The following NRXN3 variants were observed in gnomAD, a reference collection of about 807,000 sequenced individuals.
NRXN3 encodes the protein neurexin 3, also known as neurexin III.
Under a neutral mutation model 137.6 loss-of-function variants are expected in NRXN3, and 32 were observed. That is an observed-to-expected ratio of 0.23 (90% CI 0.18 to 0.31). The LOEUF (loss-of-function observed/expected upper bound fraction) is 0.31, where lower values mean the gene tolerates loss of function less well. NRXN3 is among the 10% of genes least tolerant of loss of function. The pLI is 1.00. For synonymous variants in NRXN3, 798 were observed against 784.5 expected (o/e 1.02, Z -0.29); for missense variants, 1,574 against 2,062.5 (o/e 0.76, Z 4.59).
intron 4 of NRXN3, among the ~76,000 whole-genome samples, chr14:78,385,963 C>A (rs2089911935): frequency 6.6e-6 from 1 of 152,042 alleles, no homozygotes; most frequent in South Asian, 2.1e-4. Flanking sequence ...GGGTGAGGAG[C>A]AACTGAAGAA....
At chr14:78,982,357 C>G (rs1450149520) in intron 14 of NRXN3, among the ~76,000 whole-genome samples, 1 of 152,108 alleles carries the variant, frequency 6.6e-6, no homozygotes, top group Non-Finnish European at 1.5e-5. Context: ...GTGACCAAGA[C>G]AGACAAGGCT....
chr14:78,905,908 T>A (rs1392294924), intron 10 of NRXN3, among the ~76,000 whole-genome samples: 1 of 151,968 alleles, frequency 6.6e-6, no homozygotes, highest in Non-Finnish European at 1.5e-5. Flanking sequence ...TAAACCAAGA[T>A]AAACAAAATT....
intron 15 of NRXN3, among the ~76,000 whole-genome samples, chr14:79,330,536 G>A (rs1055421398): frequency 5.3e-5 from 8 of 152,140 alleles, no homozygotes; most frequent in African/African-American, 1.9e-4. Context: ...GTCTATTTGA[G>A]TTGATGTTGG....
At chr14:79,504,641 T>TTATATA (rs59363016) in intron 16 of NRXN3, among the ~76,000 whole-genome samples, 1 of 97,876 alleles carries the variant, frequency 1.0e-5, no homozygotes, top group Non-Finnish European at 2.2e-5. Flanking sequence ...ATGAAGTTTT[T>TTATATA]TATATATATA....
intron 20 of NRXN3, among the ~76,000 whole-genome samples, chr14:79,825,164 A>T (rs1343427910): frequency 6.8e-6 from 1 of 146,716 alleles, no homozygotes; most frequent in Admixed American, 6.8e-5. Flanking sequence ...CCATTACGTA[A>T]CTTCCTTTGT....
At chr14:78,521,662 T>C (rs1463853470) in intron 4 of NRXN3, among the ~76,000 whole-genome samples, 2 of 152,140 alleles carry the variant, frequency 1.3e-5, no homozygotes, top group Admixed American at 1.3e-4. Context: ...ATGAATGATA[T>C]ATCTTTACAA....
chr14:79,688,153 T>A (rs1213709240), intron 17 of NRXN3, among the ~76,000 whole-genome samples: 1 of 151,298 alleles, frequency 6.6e-6, no homozygotes, highest in Non-Finnish European at 1.5e-5. Flanking sequence ...ACTAATGAGC[T>A]TCCTTCTGAT....
chr14:78,818,699 C>T lies in NRXN3; in HGVS notation c.2275+8355C>T, dbSNP rs186156700. Among the ~76,000 whole-genome samples the T allele has an allele frequency of 5.9e-5, 9 of 152,188 alleles. No individual in the cohort carries two copies. In the East Asian group the frequency reaches 1.7e-3, roughly 29 times the overall value. The stretch of plus-strand genomic sequence containing the variant: ...CCTTGTTCTTCCTCATTCACTTATT[C>T]CATGGACATTTACTGAGAGTAAGCA... On this transcript the variant is annotated intron_variant, in intron 10 of 20. Transcript: ENST00000335750.
At chr14:79,034,381 T>C (rs964766820) in intron 15 of NRXN3, among the ~76,000 whole-genome samples, 12 of 68,120 alleles carry the variant, frequency 1.8e-4, no homozygotes, top group Non-Finnish European at 3.1e-4. Flanking sequence ...CACACACAGG[T>C]TTTTTGGAAA....
chr14:78,200,278 T>C (rs373986728), intron 1 of NRXN3, among the ~76,000 whole-genome samples: 1 of 152,182 alleles, frequency 6.6e-6, no homozygotes, highest in Admixed American at 6.5e-5. Flanking sequence ...GTTGTCTTAA[T>C]TGGGCAGAAA....
At chr14:78,914,783 C>T (rs537576953) in intron 10 of NRXN3, among the ~76,000 whole-genome samples, 5 of 152,122 alleles carry the variant, frequency 3.3e-5, no homozygotes, top group South Asian at 4.2e-4. Flanking sequence ...AAGAGTGACA[C>T]GATCTGTCTT....
intron 1 of NRXN3, among the ~76,000 whole-genome samples, chr14:78,211,578 C>T (rs59565359): frequency 0.46 from 69,552 of 152,102 alleles, 15,981 homozygotes; most frequent in Middle Eastern, 0.56. Context: ...TTTGATAAAC[C>T]CCACTCCAAA....
At chr14:79,198,634 A>G (rs1372798804) in intron 15 of NRXN3, among the ~76,000 whole-genome samples, 2 of 152,222 alleles carry the variant, frequency 1.3e-5, no homozygotes, top group Non-Finnish European at 1.5e-5. Context: ...TGAAAATTTA[A>G]CTATGATGCA....
chr14:79,387,414 C>T (rs1163050990), intron 15 of NRXN3, among the ~76,000 whole-genome samples: 2 of 152,026 alleles, frequency 1.3e-5, no homozygotes, highest in Non-Finnish European at 2.9e-5. Context: ...TACCATCTCA[C>T]ACCAGTTAGA....
chr14:78,313,514 A>G lies in NRXN3; in HGVS notation c.757+15654A>G, dbSNP rs1456608611. ...TTTTTTAACAAAACTTTCTCGTATCAGTTTAAATACATTTCTGAATGATTA... is the reference window on the plus strand; with the variant it reads ...TTTTTTAACAAAACTTTCTCGTATCGGTTTAAATACATTTCTGAATGATTA... On this transcript the variant is annotated intron_variant, in intron 4 of 20. Coordinates refer to ENST00000335750, the MANE Select transcript of NRXN3 (RefSeq NM_001330195.2). 1.1e-4 allele frequency among the ~76,000 whole-genome samples: 16 copies of G among 152,040 alleles called. No homozygotes were observed. The East Asian group carries it at 3.1e-3, about 29-fold the overall frequency.
chr14:79,773,777 A>T (rs1319484547), intron 19 of NRXN3, among the ~76,000 whole-genome samples: 1 of 151,338 alleles, frequency 6.6e-6, no homozygotes, highest in African/African-American at 2.4e-5. Context: ...TTAGAGTATA[A>T]TAATGATAAA....
At chr14:79,543,821 T>C (rs1232293625) in intron 16 of NRXN3, among the ~76,000 whole-genome samples, 1 of 152,154 alleles carries the variant, frequency 6.6e-6, no homozygotes, top group Non-Finnish European at 1.5e-5. Flanking sequence ...TGTGTAGAGA[T>C]GTGAGTTTAG....
At chr14:79,239,246 G>C (rs922811847) in intron 15 of NRXN3, among the ~76,000 whole-genome samples, 4 of 152,066 alleles carry the variant, frequency 2.6e-5, no homozygotes, top group African/African-American at 9.7e-5. Context: ...ATATTTTGTT[G>C]TACTGTACTC....
At chr14:78,352,173 C>T (rs1455426314) in intron 4 of NRXN3, among the ~76,000 whole-genome samples, 1 of 151,312 alleles carries the variant, frequency 6.6e-6, no homozygotes, top group East Asian at 1.9e-4. Flanking sequence ...ACCATTAGGT[C>T]TCTAGTGCAG....
Sources: gnomAD v4.1 joint callset for allele counts (sites outside exome capture counted in the v4.1 genomes callset) on GRCh38, gnomAD v4.1.1 for gene constraint, MANE v1.5 for transcripts, NCBI Gene and HGNC (gene_info 2026-07-23, HGNC 2026-07-21) for gene names.